CADM2: variants seen among roughly 807,000 people sequenced by gnomAD.
The protein encoded by CADM2 is cell adhesion molecule 2, also known as immunoglobulin superfamily member 4D.
A neutral mutation model predicts 49.8 loss-of-function variants in CADM2; 12 were observed. The ratio of observed to expected loss-of-function variants is 0.24; its 90% CI spans 0.15 to 0.39. The LOEUF is 0.39. Ranked by LOEUF, CADM2 falls within the 10% of genes least tolerant of loss-of-function variation. The pLI is 1.00. For synonymous variants in CADM2, 214 were observed against 175.4 expected, an observed-to-expected ratio of 1.22 and a Z score of -1.74; for missense variants, 378 against 492.3, an observed-to-expected ratio of 0.77 and a Z score of 2.20.
intron 1 of CADM2, among the ~76,000 whole-genome samples, chr3:85,536,135 G>C (rs1353551147): frequency 6.6e-6 from 1 of 152,000 alleles, no homozygotes; most frequent in Non-Finnish European, 1.5e-5. Context: ...GTCATTGTGT[G>C]TTTAAGGGAT....
At chr3:85,031,714 G>GT (rs1209839357) in intron 1 of CADM2, among the ~76,000 whole-genome samples, 2 of 151,810 alleles carry the variant, frequency 1.3e-5, no homozygotes, top group Non-Finnish European at 2.9e-5. Context: ...TAGATACGGG[G>GT]TTTCACAGTG....
At chr3:85,866,242 G>A (rs768368064) in intron 3 of CADM2, among the ~76,000 whole-genome samples, 9 of 152,148 alleles carry the variant, frequency 5.9e-5, no homozygotes, top group Non-Finnish European at 8.8e-5. Context: ...ATAAGTGTAG[G>A]TGGCAAGAGA....
At chr3:85,089,248 A>AT (rs1057247216) in intron 1 of CADM2, among the ~76,000 whole-genome samples, 25 of 152,092 alleles carry the variant, frequency 1.6e-4, no homozygotes, top group Admixed American at 1.4e-3. Flanking sequence ...AAGCATTTTT[A>AT]TTTAAAAAAA....
Position 85,321,148 on chromosome 3 carries a change from T to A in CADM2, c.61+361480T>A, listed in dbSNP as rs1390775922. ...TTTTTTTTTTTTTTTTTTTTTTTTT[T>A]TTTTTTTTTTTTTTTTTTGCGAGAG... On this transcript the variant is annotated intron_variant, in intron 1 of 9. Transcript: ENST00000383699. Among the ~76,000 whole-genome samples, 61 of 47,362 alleles carry A rather than the reference T, an allele frequency of 1.3e-3. 5 individuals are homozygous for A. Among genetic ancestry groups the A allele is most frequent in the African/African-American group, 2.5e-3 (24 of 9,480 alleles). 31.1% of individuals were successfully genotyped at this position (47,362 alleles called of 152,430 possible).
intron 7 of CADM2, among the ~76,000 whole-genome samples, chr3:85,945,868 C>T (rs574656409): frequency 2.0e-5 from 3 of 152,144 alleles, no homozygotes; most frequent in African/African-American, 7.2e-5. Context: ...AAAACTGGCA[C>T]AAGACAGGGA....
chr3:85,751,729 C>T (rs143280106), intron 2 of CADM2, among the ~76,000 whole-genome samples: 246 of 152,218 alleles, frequency 1.6e-3, no homozygotes, highest in African/African-American at 5.5e-3. Context: ...CTTAAAGGAT[C>T]TTTTAAAAAC....
At chr3:85,056,035 C>A (rs1188752313) in intron 1 of CADM2, among the ~76,000 whole-genome samples, 1 of 151,972 alleles carries the variant, frequency 6.6e-6, no homozygotes, top group Non-Finnish European at 1.5e-5. Flanking sequence ...TAAACCAAAT[C>A]CATATAAATG....
intron 1 of CADM2, among the ~76,000 whole-genome samples, chr3:85,578,381 C>T (rs776972101): frequency 1.3e-5 from 2 of 152,124 alleles, no homozygotes; most frequent in East Asian, 1.9e-4. Context: ...TGAGAGTAGG[C>T]GCTGGATTTT....
At chr3:86,000,183 A>G (rs1021633132) in intron 8 of CADM2, among the ~76,000 whole-genome samples, 2 of 152,308 alleles carry the variant, frequency 1.3e-5, no homozygotes, top group South Asian at 2.1e-4. Flanking sequence ...AAAGTGGGAA[A>G]TTAACAGAGC....
At chr3:85,339,102 A>T (rs1007319192) in intron 1 of CADM2, among the ~76,000 whole-genome samples, 2 of 151,538 alleles carry the variant, frequency 1.3e-5, no homozygotes, top group Non-Finnish European at 3.0e-5. Context: ...ATTTAACTCT[A>T]ATTCTCTGAG....
chr3:85,968,774 C>T (rs1381784680), intron 8 of CADM2, among the ~76,000 whole-genome samples: 3 of 151,564 alleles, frequency 2.0e-5, no homozygotes, highest in Non-Finnish European at 4.4e-5. Flanking sequence ...TGTTAATTGG[C>T]TCATTTGTTA....
chr3:85,450,508 A>G lies in CADM2; in HGVS notation c.62-276014A>G, dbSNP rs182235783. Among the ~76,000 whole-genome samples the G allele has an allele frequency of 5.9e-5, 9 of 152,184 alleles. No individual in the cohort carries two copies. The East Asian group carries it at 1.2e-3, about 20-fold the overall frequency. ...AGTACAGCATAAATAATAAATAAATAAAACATGAATATAATAAATGCAATA... is the reference window on the plus strand; with the variant it reads ...AGTACAGCATAAATAATAAATAAATGAAACATGAATATAATAAATGCAATA... On this transcript the variant is annotated intron_variant, in intron 1 of 9. Coordinates refer to ENST00000383699, the MANE Select transcript of CADM2 (RefSeq NM_001167675.2).
chr3:86,003,948 CT>C (rs893316743), intron 8 of CADM2, among the ~76,000 whole-genome samples: 2 of 152,012 alleles, frequency 1.3e-5, no homozygotes, highest in Non-Finnish European at 2.9e-5. Context: ...CACAATAGGA[CT>C]TTTTTAAAGG....
chr3:85,429,832 T>C (rs184148336), intron 1 of CADM2, among the ~76,000 whole-genome samples: 1 of 152,340 alleles, frequency 6.6e-6, no homozygotes, highest in Admixed American at 6.5e-5. Context: ...GAATGGCTTT[T>C]ACATTTTAAT....
intron 3 of CADM2, among the ~76,000 whole-genome samples, chr3:85,806,309 G>GA: frequency 6.6e-6 from 1 of 152,170 alleles, no homozygotes; most frequent in Admixed American, 6.5e-5. Flanking sequence ...AAACTGCTCA[G>GA]AAAAAGAACA....
At chr3:84,979,694 T>TA (rs1244771745) in intron 1 of CADM2, among the ~76,000 whole-genome samples, 41 of 146,512 alleles carry the variant, frequency 2.8e-4, no homozygotes, top group Non-Finnish European at 3.6e-4. Flanking sequence ...CCATAGAGAC[T>TA]AAAAAAAAAA....
intron 1 of CADM2, among the ~76,000 whole-genome samples, chr3:85,623,717 A>G (rs1254884653): frequency 2.0e-5 from 3 of 152,206 alleles, no homozygotes; most frequent in Admixed American, 2.0e-4. Flanking sequence ...ATGTTAATTC[A>G]AATAGCATTG....
chr3:85,209,528 A>AT, intron 1 of CADM2, among the ~76,000 whole-genome samples: 1 of 152,162 alleles, frequency 6.6e-6, no homozygotes, highest in Non-Finnish European at 1.5e-5. Context: ...AAGTAATAAA[A>AT]TAATTTTAAA....
intron 1 of CADM2, among the ~76,000 whole-genome samples, chr3:84,975,878 G>C (rs1054269905): frequency 6.6e-6 from 1 of 151,772 alleles, no homozygotes; most frequent in Non-Finnish European, 1.5e-5. Flanking sequence ...CTGTGCTCTT[G>C]TCTGGCCTCC....
Sources: allele counts gnomAD v4.1 joint callset (sites outside exome capture counted in the v4.1 genomes callset), GRCh38; gene constraint gnomAD v4.1.1; transcripts MANE v1.5; gene names NCBI Gene and HGNC (gene_info 2026-07-23, HGNC 2026-07-21).